Variants in ZNF827 observed in about 807,000 individuals in gnomAD.
ZNF827 encodes zinc finger protein 827.
In ZNF827, 13 loss-of-function variants were observed where a neutral mutation model predicts 102.4. The observed-to-expected ratio is 0.13, with a 90% CI of 0.08 to 0.20. The LOEUF (loss-of-function observed/expected upper bound fraction) is 0.20. ZNF827 is among the 10% of genes least tolerant of loss of function. The pLI is 1.00. For synonymous variants in ZNF827, 523 were observed against 536.2 expected, an observed-to-expected ratio of 0.98 and a Z score of 0.34; for missense variants, 1,103 against 1,344.4, an observed-to-expected ratio of 0.82 and a Z score of 2.81.
Position 145,766,985 on chromosome 4 carries a change from T to C in ZNF827, c.2861-1247A>G, listed in dbSNP as rs143287857. On this transcript the variant is annotated intron_variant, in intron 11 of 14. Transcript: ENST00000508784. ...CTAAAACAAAGGTCAAGAGTATGTA[T>C]AGGAATATAAAATATTAAGCACCCA... is the stretch of plus-strand genomic sequence containing the variant. Among the ~76,000 whole-genome samples the C allele has an allele frequency of 1.2e-4, 18 of 152,264 alleles. No individual in the cohort carries two copies. In the East Asian group the frequency reaches 1.5e-3, roughly 13 times the overall value.
intron 1 of ZNF827, among the ~76,000 whole-genome samples, chr4:145,934,818 G>T (rs962649687): frequency 6.6e-6 from 1 of 152,166 alleles, no homozygotes; most frequent in Non-Finnish European, 1.5e-5. Context: ...GAATCCTTAG[G>T]GGGGTGCAGA....
rs559232683 is a variant in ZNF827, at chr4:145,812,007, T to G, written c.2383+11415A>C. On this transcript the variant is annotated intron_variant, in intron 8 of 14. Transcript: ENST00000508784. ...TGAGCTCACTGCAACCTCCACCTCC[T>G]GGGTTCAAGCGATTCTCCTGCCTCA... Among the ~76,000 whole-genome samples the G allele has an allele frequency of 2.0e-5, 3 of 152,030 alleles. No individual in the cohort carries two copies. The East Asian group carries it at 5.8e-4, about 29-fold the overall frequency.
chr4:145,856,757 G>A (rs1272674274), intron 5 of ZNF827, among the ~76,000 whole-genome samples: 1 of 140,438 alleles, frequency 7.1e-6, no homozygotes, highest in African/African-American at 2.7e-5. Flanking sequence ...AGGGAAAACT[G>A]AGCAAACCAC....
chr4:145,797,400 C>T (rs575855182), intron 8 of ZNF827, among the ~76,000 whole-genome samples: 148 of 152,288 alleles, frequency 9.7e-4, no homozygotes, highest in African/African-American at 3.5e-3. Context: ...CTCTACTGCT[C>T]TTCTATAATA....
intron 10 of ZNF827, 51 bp from the exon 11 acceptor site, chr4:145,774,723 C>G (rs1736788333): frequency 6.3e-7 from 1 of 1,578,406 alleles, no homozygotes; most frequent in African/African-American, 1.3e-5. Flanking sequence ...GTGACACATA[C>G]TTCTAAATGT....
Position 145,801,402 on chromosome 4 carries a change from C to T in ZNF827, c.2384-21891G>A, listed in dbSNP as rs116116260. ...AAAGCCCCATTATCATGTTCTTCTACCTTGATATCCCCATCAGACAGCACT... is the reference window on the plus strand; with the variant it reads ...AAAGCCCCATTATCATGTTCTTCTATCTTGATATCCCCATCAGACAGCACT... On this transcript the variant is annotated intron_variant, in intron 8 of 14. Coordinates refer to ENST00000508784, the MANE Select transcript of ZNF827 (RefSeq NM_001306215.2). Among the ~76,000 whole-genome samples, 114 of 152,314 alleles carry T rather than the reference C, an allele frequency of 7.5e-4. 2 individuals are homozygous for T. Among genetic ancestry groups the T allele is most frequent in the African/African-American group, 2.6e-3 (109 of 41,572 alleles).
At chr4:145,875,211 T>A (rs1042461317) in intron 4 of ZNF827, among the ~76,000 whole-genome samples, 1 of 152,176 alleles carries the variant, frequency 6.6e-6, no homozygotes, top group African/African-American at 2.4e-5. Flanking sequence ...TACAACTAGC[T>A]CTTGAGTAAT....
intron 8 of ZNF827, among the ~76,000 whole-genome samples, chr4:145,817,805 C>T (rs1742738337): frequency 1.3e-5 from 2 of 152,168 alleles, no homozygotes; most frequent in South Asian, 4.1e-4. Flanking sequence ...TCTCCTGATT[C>T]CCAGTCTAGA....
chr4:145,805,292 T>C (rs1741310792), intron 8 of ZNF827, among the ~76,000 whole-genome samples: 1 of 152,218 alleles, frequency 6.6e-6, no homozygotes, highest in African/African-American at 2.4e-5. Context: ...ACTTTCTTTT[T>C]GTTACTAGAA....
chr4:145,919,008 C>A (rs1310787669), intron 1 of ZNF827, among the ~76,000 whole-genome samples: 1 of 148,416 alleles, frequency 6.7e-6, no homozygotes, highest in East Asian at 2.0e-4. Context: ...ATAATCCCAG[C>A]ACTTTGGGAG....
Position 145,760,908 on chromosome 4 carries a change from T to C in ZNF827, c.*708A>G, listed in dbSNP as rs1734388286. On this transcript the variant is annotated 3_prime_UTR_variant, in exon 15 of 15. Coordinates refer to ENST00000508784, the MANE Select transcript of ZNF827 (RefSeq NM_001306215.2). The stretch of plus-strand genomic sequence containing the variant: ...TGAGATCCAAGTGGTTCTTGGGGTA[T>C]AACATTGTCAAGGGAATGAGATGGG... 4 of 1,233,468 alleles carry C rather than the reference T, an allele frequency of 3.2e-6. No homozygotes were observed. The highest frequency in any genetic ancestry group is 1.6e-5 in the African/African-American group (1 of 63,674). The allele number at this position is 1,233,468 out of a possible 1,614,324, so 76.4% of individuals were successfully genotyped here. A position where few individuals can be genotyped will look rare whatever the true frequency, so the allele number is the denominator to read the frequency against.
intron 1 of ZNF827, among the ~76,000 whole-genome samples, chr4:145,923,081 T>C (rs1010503599): frequency 3.3e-5 from 5 of 152,220 alleles, no homozygotes; most frequent in Non-Finnish European, 7.3e-5. Flanking sequence ...CAAGATGTTC[T>C]ATGCACATTG....
At chr4:145,813,333 T>G (rs1318825818) in intron 8 of ZNF827, among the ~76,000 whole-genome samples, 1 of 152,226 alleles carries the variant, frequency 6.6e-6, no homozygotes, top group African/African-American at 2.4e-5. Flanking sequence ...CACATTCACA[T>G]AACTTTTATT....
intron 4 of ZNF827, among the ~76,000 whole-genome samples, chr4:145,878,729 GAGAGAGGA>G (rs1041581982): frequency 1.3e-5 from 2 of 151,364 alleles, no homozygotes; most frequent in African/African-American, 4.9e-5. Context: ...GAGGAAGGGA[GAGAGAGGA>G]AGGGAGGAAG....
At chr4:145,786,034 C>A (rs1323339988) in intron 8 of ZNF827, among the ~76,000 whole-genome samples, 2 of 152,168 alleles carry the variant, frequency 1.3e-5, no homozygotes, top group Non-Finnish European at 2.9e-5. Context: ...TCCTAACAGC[C>A]AATCCTCTCT....
chr4:145,899,848 G>A (rs1346354311), intron 2 of ZNF827, among the ~76,000 whole-genome samples: 2 of 152,182 alleles, frequency 1.3e-5, no homozygotes, highest in Non-Finnish European at 2.9e-5. Context: ...CCAAAGCTGA[G>A]AAGTTCCTTT....
At chr4:145,882,416 C>G (rs933118900) in intron 4 of ZNF827, among the ~76,000 whole-genome samples, 1 of 152,106 alleles carries the variant, frequency 6.6e-6, no homozygotes, top group Non-Finnish European at 1.5e-5. Context: ...TTTGAAGGAC[C>G]AAGCAGTGTT....
At chr4:145,808,700 A>AT (rs1579251061) in intron 8 of ZNF827, among the ~76,000 whole-genome samples, 2 of 152,212 alleles carry the variant, frequency 1.3e-5, no homozygotes, top group East Asian at 1.9e-4. Flanking sequence ...ACTTTACAAG[A>AT]TTTTTTCCCA....
intron 1 of ZNF827, among the ~76,000 whole-genome samples, chr4:145,936,105 C>T (rs190256584): frequency 6.6e-5 from 10 of 152,282 alleles, no homozygotes; most frequent in African/African-American, 2.2e-4. Flanking sequence ...GCAGAGAACA[C>T]TGAAGCCCAT....
Sources: allele counts gnomAD v4.1 joint callset (sites outside exome capture counted in the v4.1 genomes callset), GRCh38; gene constraint gnomAD v4.1.1; transcripts MANE v1.5; gene names NCBI Gene and HGNC (gene_info 2026-07-23, HGNC 2026-07-21).